PDE11A: variants seen among roughly 807,000 people sequenced by gnomAD.
The protein encoded by PDE11A is phosphodiesterase 11A.
A neutral mutation model predicts 100.5 loss-of-function variants in PDE11A; 100 were observed. The observed-to-expected ratio is 1.00, with a 90% CI of 0.85 to 1.18. PDE11A has a LOEUF of 1.18. Ranked by LOEUF, PDE11A falls within the 50% of genes most tolerant of loss-of-function variation. The pLI is 0.00. For synonymous variants in PDE11A, 381 were observed against 420.8 expected, an observed-to-expected ratio of 0.91 and a Z score of 1.16; for missense variants, 1,141 against 1,152.6, an observed-to-expected ratio of 0.99 and a Z score of 0.15.
chr2:177,781,348 G>C (rs1018458934), intron 9 of PDE11A, among the ~76,000 whole-genome samples: 2 of 152,144 alleles, frequency 1.3e-5, no homozygotes, highest in African/African-American at 4.8e-5. Context: ...AATTGTAACA[G>C]ATATAATAAG....
intron 1 of PDE11A, among the ~76,000 whole-genome samples, chr2:178,048,794 C>T (rs138221338): frequency 7.2e-5 from 11 of 152,244 alleles, no homozygotes; most frequent in Admixed American, 7.2e-4. Flanking sequence ...GTTTCATAAG[C>T]CATAAATGTG....
upstream of PDE11A, among the ~76,000 whole-genome samples, chr2:178,074,432 G>A (rs768891936): frequency 1.3e-5 from 2 of 152,136 alleles, no homozygotes; most frequent in African/African-American, 2.4e-5. Flanking sequence ...TGAGACTGGT[G>A]ATAATACAGC....
chr2:177,675,386 G>A, intron 17 of PDE11A, 69 bp downstream of exon 17: 1 of 1,088,412 alleles, frequency 9.2e-7, no homozygotes, highest in South Asian at 1.3e-5. Context: ...CAGGGCTCTG[G>A]GAATATTGTG....
chr2:178,054,362 G>A (rs1271544544), intron 1 of PDE11A, among the ~76,000 whole-genome samples: 1 of 152,172 alleles, frequency 6.6e-6, no homozygotes, highest in Non-Finnish European at 1.5e-5. Context: ...ATAGAGTAAA[G>A]ACTTAAATGT....
intron 19 of PDE11A, among the ~76,000 whole-genome samples, chr2:177,642,570 A>G (rs1231906100): frequency 6.6e-6 from 1 of 152,202 alleles, no homozygotes; most frequent in Non-Finnish European, 1.5e-5. Flanking sequence ...TGCCTACCCA[A>G]TACACGTTTT....
chr2:177,832,795 C>T (rs2083333361), intron 6 of PDE11A, among the ~76,000 whole-genome samples: 1 of 152,092 alleles, frequency 6.6e-6, no homozygotes, highest in South Asian at 2.1e-4. Context: ...CTCCAGTAAA[C>T]ACACTATGTG....
chr2:177,859,264 A>T (rs913392000), intron 5 of PDE11A, among the ~76,000 whole-genome samples: 1 of 152,118 alleles, frequency 6.6e-6, no homozygotes, highest in East Asian at 1.9e-4. Flanking sequence ...AAAATAAATA[A>T]ACTTTAAAAA....
At chr2:177,979,077 T>TA (rs72020976) in intron 2 of PDE11A, among the ~76,000 whole-genome samples, 16,300 of 112,890 alleles carry the variant, frequency 0.14, 1,265 homozygotes, top group South Asian at 0.2. Flanking sequence ...TAGAGTATAA[T>TA]AAAAAAAAAA....
intron 9 of PDE11A, among the ~76,000 whole-genome samples, chr2:177,776,141 T>C (rs1000912820): frequency 1.3e-5 from 2 of 152,178 alleles, no homozygotes; most frequent in Admixed American, 6.5e-5. Flanking sequence ...TATATGAGCA[T>C]AAAGTAAGCA....
intron 1 of PDE11A, among the ~76,000 whole-genome samples, chr2:178,035,398 A>C (rs1054613616): frequency 3.9e-5 from 6 of 152,144 alleles, no homozygotes; most frequent in Non-Finnish European, 5.9e-5. Context: ...CCTACCAACC[A>C]AAAAAAGCCC....
At chr2:177,988,899 T>C (rs933588811) in intron 2 of PDE11A, among the ~76,000 whole-genome samples, 1 of 152,218 alleles carries the variant, frequency 6.6e-6, no homozygotes, top group Non-Finnish European at 1.5e-5. Context: ...GTAGTCCCGT[T>C]ATTTTTACTT....
chr2:177,966,715 T>C (rs1231082881), intron 2 of PDE11A, among the ~76,000 whole-genome samples: 1 of 152,222 alleles, frequency 6.6e-6, no homozygotes, highest in African/African-American at 2.4e-5. Flanking sequence ...TACTTGGTCA[T>C]AGTGGATTAG....
At chr2:177,980,162 A>G (rs2085863743) in intron 2 of PDE11A, among the ~76,000 whole-genome samples, 1 of 150,514 alleles carries the variant, frequency 6.6e-6, no homozygotes, top group South Asian at 2.2e-4. Context: ...ATCCTAAAAA[A>G]AAAACGAAGA....
chr2:177,766,167 TG>T (rs2082236378), intron 10 of PDE11A, among the ~76,000 whole-genome samples: 2 of 152,190 alleles, frequency 1.3e-5, no homozygotes, highest in Admixed American at 6.5e-5. Context: ...GGTGTGGGAA[TG>T]GTTTTGGAAT....
At chr2:177,987,495 T>C (rs979124462) in intron 2 of PDE11A, among the ~76,000 whole-genome samples, 3 of 152,188 alleles carry the variant, frequency 2.0e-5, no homozygotes, top group African/African-American at 7.2e-5. Context: ...CCAAATTGGG[T>C]AGTTACATAT....
chr2:177,785,894 T>G (rs1490951271), intron 9 of PDE11A, among the ~76,000 whole-genome samples: 1 of 152,230 alleles, frequency 6.6e-6, no homozygotes, highest in Non-Finnish European at 1.5e-5. Context: ...AAGCTTGAAC[T>G]GGGTGGAGCC....
intron 15 of PDE11A, chr2:177,687,990 C>G (rs1035251294): frequency 3.3e-5 from 5 of 152,230 alleles, no homozygotes; most frequent in African/African-American, 1.2e-4. Context: ...TTGAAATCTT[C>G]TATAAGGAAG....
chr2:177,877,973 G>A (rs1433671171), intron 4 of PDE11A, among the ~76,000 whole-genome samples: 1 of 148,788 alleles, frequency 6.7e-6, no homozygotes, highest in Non-Finnish European at 1.5e-5. Context: ...CTGAGAAAAT[G>A]ATTTGGAAAA....
chr2:177,867,079 G>A (rs2695726), intron 5 of PDE11A, among the ~76,000 whole-genome samples: 148,283 of 152,332 alleles, frequency 0.97, 72,279 homozygotes, highest in Middle Eastern at 1. Flanking sequence ...TGTCTTAGAT[G>A]TGTGTGTGTA....
Sources: allele counts gnomAD v4.1 joint callset (sites outside exome capture counted in the v4.1 genomes callset), GRCh38; gene constraint gnomAD v4.1.1; transcripts MANE v1.5; gene names NCBI Gene and HGNC (gene_info 2026-07-23, HGNC 2026-07-21).